The following TRPC5 variants were observed in gnomAD, a reference collection of about 807,000 sequenced individuals.
TRPC5 encodes short transient receptor potential channel 5.
Under a neutral mutation model 56.5 loss-of-function variants are expected in TRPC5, and 9 were observed. The observed-to-expected ratio is 0.16, with a 90% confidence interval of 0.10 to 0.28. TRPC5 has a LOEUF of 0.28. Ranked by LOEUF, TRPC5 falls within the 10% of genes least tolerant of loss-of-function variation. TRPC5 has a pLI of 1.00. For missense variants in TRPC5, 469 were observed against 748.9 expected (o/e 0.63, Z 4.36); for synonymous variants, 282 against 278.5 (o/e 1.01, Z -0.13).
chrX:112,075,369 C>A (rs1930811463), intron 1 of TRPC5, among the ~76,000 whole-genome samples: 1 of 111,581 alleles, frequency 9.0e-6, no homozygotes, highest in Non-Finnish European at 1.9e-5. Context: ...GTTTCCTCAC[C>A]TGTTAAATGG....
Position 112,065,245 on chromosome X carries a change from T to A in TRPC5, c.-22+16634A>T, listed in dbSNP as rs751100782. Among the ~76,000 whole-genome samples the A allele has an allele frequency of 7.2e-5, 8 of 111,586 alleles. No individual in the cohort carries two copies. The East Asian group carries it at 1.4e-3, about 20-fold the overall frequency. On this transcript the variant is annotated intron_variant, in intron 1 of 10. Transcript: ENST00000262839. The stretch of plus-strand genomic sequence containing the variant: ...ACTGAGCATCACCACTGGTATATAA[T>A]CCCTCCACACATACCTTAAACTCAA...
intron 3 of TRPC5, among the ~76,000 whole-genome samples, chrX:111,890,578 T>C (rs948839265): frequency 7.2e-5 from 8 of 111,618 alleles, no homozygotes; most frequent in African/African-American, 2.6e-4. Flanking sequence ...AGACAAACAT[T>C]GTGTTCTTGC....
At position 112,074,795 on chromosome X, in the gene TRPC5, C is replaced by T. The variant is rs1330559589; in HGVS notation, c.-22+7084G>A. ...TCCCAACAGTGCCTTCCACCTGGTG[C>T]ACACTGAGCGAATATTCGCCAAGTG... On this transcript the variant is annotated intron_variant, in intron 1 of 10. Coordinates refer to ENST00000262839, the MANE Select transcript of TRPC5 (RefSeq NM_012471.3). 2.7e-5 allele frequency among the ~76,000 whole-genome samples: 3 copies of T among 112,289 alleles called. 1 individual carries two copies. Among genetic ancestry groups the T allele is most frequent in the African/African-American group, 9.7e-5 (3 of 30,870 alleles).
chrX:112,080,391 T>TACACAC (rs1370431647), intron 1 of TRPC5, among the ~76,000 whole-genome samples: 7 of 82,015 alleles, frequency 8.5e-5, no homozygotes, highest in African/African-American at 3.0e-4. Flanking sequence ...CTTGAAAAAC[T>TACACAC]ACATACACAC....
In TRPC5 at chrX:111,923,150, CT is replaced by C. The variant is rs1177531731; in HGVS notation, c.379-10339del. 2.7e-5 allele frequency among the ~76,000 whole-genome samples: 3 copies of C among 111,617 alleles called. No homozygotes were observed. The Admixed American group carries it at 2.9e-4, about 11-fold the overall frequency. On this transcript the variant is annotated intron_variant, in intron 2 of 10. Transcript: ENST00000262839. ...TGTTAACCACTATACAGCTCCACCC[CT>C]AACCAGCAAAAGGCCAACAATTTGA...
At chrX:112,065,348 T>G (rs967121694) in intron 1 of TRPC5, among the ~76,000 whole-genome samples, 1 of 111,887 alleles carries the variant, frequency 8.9e-6, no homozygotes, top group Non-Finnish European at 1.9e-5. Context: ...GGCAACACCA[T>G]CTATCCAGTT....
rs756012717 is a variant in TRPC5 at position 111,907,795 on chromosome X, T to C, written c.900+4496A>G. Among the ~76,000 whole-genome samples, 4 of 111,246 alleles carry C rather than the reference T, an allele frequency of 3.6e-5. No homozygotes were observed. The East Asian group carries it at 1.1e-3, about 31-fold the overall frequency. On this transcript the variant is annotated intron_variant, in intron 3 of 10. Transcript: ENST00000262839. ...AAGTGTATTATATAATGTGATAAAA[T>C]AAAGATCAAAATCATGACTTTTTTA...
chrX:112,028,727 A>C (rs1314504254), intron 1 of TRPC5, among the ~76,000 whole-genome samples: 1 of 112,293 alleles, frequency 8.9e-6, no homozygotes, highest in African/African-American at 3.2e-5. Flanking sequence ...ATAGTGCCAC[A>C]ATAAACATAC....
At chrX:111,785,853 C>T (rs1300569930) in intron 7 of TRPC5, among the ~76,000 whole-genome samples, 1 of 111,048 alleles carries the variant, frequency 9.0e-6, no homozygotes, top group Admixed American at 9.6e-5. Flanking sequence ...AGTGAGAAGA[C>T]AAGGTTAGAG....
chrX:111,927,615 T>A (rs765911773), intron 2 of TRPC5, among the ~76,000 whole-genome samples: 2 of 111,092 alleles, frequency 1.8e-5, no homozygotes, highest in African/African-American at 6.5e-5. Flanking sequence ...GACAGGGAAC[T>A]GGGCAGGTCA....
chrX:111,885,254 G>A (rs920093460), intron 3 of TRPC5, among the ~76,000 whole-genome samples: 2 of 112,497 alleles, frequency 1.8e-5, no homozygotes, highest in Non-Finnish European at 3.8e-5. Flanking sequence ...AAGGGCCTGG[G>A]CCTGTTTAAG....
chrX:112,065,072 C>T (rs1478403034), intron 1 of TRPC5, among the ~76,000 whole-genome samples: 2 of 97,047 alleles, frequency 2.1e-5, no homozygotes, highest in Non-Finnish European at 4.1e-5. Flanking sequence ...AGCGAGACTA[C>T]GTCTCAAAAA....
At position 112,081,864 on chromosome X, in the gene TRPC5, C is replaced by G. The variant is rs1239547672; in HGVS notation, c.-22+15G>C. On this transcript the variant is annotated intron_variant, in intron 1 of 10. Transcript: ENST00000262839. ...AGGCAGTGAAATGGACCGCACCGGCCGCCTGTAGACTTACCCTGAGCCAAG... is the reference window on the plus strand; with the variant it reads ...AGGCAGTGAAATGGACCGCACCGGCGGCCTGTAGACTTACCCTGAGCCAAG... The G allele has an allele frequency of 8.9e-6, 1 of 111,863 alleles. No individual in the cohort carries two copies. Among genetic ancestry groups the G allele is most frequent in the Non-Finnish European group, 1.9e-5 (1 of 53,245 alleles). The allele number at this position is 111,863 out of a possible 1,213,427, so 9.2% of individuals were successfully genotyped here. A position where few individuals can be genotyped will look rare whatever the true frequency, so the allele number is the denominator to read the frequency against.
intron 3 of TRPC5, among the ~76,000 whole-genome samples, chrX:111,875,576 T>TC (rs1923905155): frequency 1.0e-5 from 1 of 100,471 alleles, no homozygotes; most frequent in Non-Finnish European, 2.0e-5. Context: ...TTCTTTCTTT[T>TC]TTTTTTTTTT....
At chrX:111,894,736 T>G (rs1435838259) in intron 3 of TRPC5, among the ~76,000 whole-genome samples, 1 of 111,990 alleles carries the variant, frequency 8.9e-6, no homozygotes, top group Non-Finnish European at 1.9e-5. Flanking sequence ...TAAAACTATT[T>G]TTTTTGAGGT....
At position 111,952,142 on chromosome X, in the gene TRPC5, G is replaced by A. The variant is rs779715044; in HGVS notation, c.279C>T (p.Ser93=). The part of the protein sequence containing the change: ...LEIMELLLNH[S]VYVGDALLYA... Reference sequence around the variant, plus strand: ...AGAGCAATGCATCACCCACATACACGCTGTGGTTCAGCAGTAGCTCCATGA... The same window carrying A: ...AGAGCAATGCATCACCCACATACACACTGTGGTTCAGCAGTAGCTCCATGA... Residue 93 remains serine (S), a synonymous_variant, in exon 2 of 11, where the codon AGC becomes AGT. Coordinates refer to ENST00000262839, the MANE Select transcript of TRPC5 (RefSeq NM_012471.3). 9.9e-6 allele frequency: 12 copies of A among 1,210,722 alleles called. No individual in the cohort carries two copies. Among genetic ancestry groups the A allele is most frequent in the East Asian group, 3.0e-5 (1 of 33,766 alleles).
intron 1 of TRPC5, among the ~76,000 whole-genome samples, chrX:111,962,298 C>T (rs973677058): frequency 1.8e-5 from 2 of 112,186 alleles, no homozygotes; most frequent in African/African-American, 3.2e-5. Flanking sequence ...GATTTATGAT[C>T]CAAAGTCCCT....
At chrX:111,854,519 G>T (rs994345165) in intron 3 of TRPC5, among the ~76,000 whole-genome samples, 1 of 111,327 alleles carries the variant, frequency 9.0e-6, no homozygotes, top group Non-Finnish European at 1.9e-5. Flanking sequence ...GGATGGAGGA[G>T]AGAGTAGAGC....
intron 3 of TRPC5, among the ~76,000 whole-genome samples, chrX:111,861,236 G>C (rs1034644859): frequency 2.7e-5 from 3 of 111,963 alleles, no homozygotes; most frequent in African/African-American, 9.7e-5. Context: ...CCCTTGACAA[G>C]TTTTGCTTAA....
Sources: gnomAD v4.1 joint callset for allele counts (sites outside exome capture counted in the v4.1 genomes callset) on GRCh38, gnomAD v4.1.1 for gene constraint, MANE v1.5 for transcripts, NCBI Gene and HGNC (gene_info 2026-07-23, HGNC 2026-07-21) for gene names.